The following MYLK variants were observed in gnomAD, a reference collection of about 807,000 sequenced individuals.
The protein encoded by MYLK is myosin light chain kinase, smooth muscle.
Under a neutral mutation model 203.4 loss-of-function variants are expected in MYLK, and 106 were observed. The ratio of observed to expected loss-of-function variants is 0.52; its 90% confidence interval spans 0.45 to 0.61. MYLK has a LOEUF of 0.61. Among genes scored for constraint, MYLK ranks in the 20% least tolerant of loss-of-function variants. The pLI, the probability that MYLK is intolerant of heterozygous loss-of-function variation, is 0.00. For synonymous variants in MYLK, 867 were observed against 959.5 expected, an observed-to-expected ratio of 0.90 and a Z score of 1.78; for missense variants, 2,072 against 2,442.3, an observed-to-expected ratio of 0.85 and a Z score of 3.20.
At chr3:123,667,486 C>T (rs531050900) in intron 20 of MYLK, among the ~76,000 whole-genome samples, 1 of 152,140 alleles carries the variant, frequency 6.6e-6, no homozygotes, top group East Asian at 1.9e-4. Context: ...CACCTGTAAT[C>T]CCAGCTACCC....
rs115100979 is a variant in MYLK at position 123,662,387 on chromosome 3, T to G, written c.3985+1718A>C. 5.1e-3 allele frequency among the ~76,000 whole-genome samples: 774 copies of G among 151,108 alleles called. 10 individuals are homozygous for G. Among genetic ancestry groups the G allele is most frequent in the African/African-American group, 0.017 (698 of 41,156 alleles). On this transcript the variant is annotated intron_variant, in intron 23 of 33. Coordinates refer to ENST00000360304, the MANE Select transcript of MYLK (RefSeq NM_053025.4). ...CTAGTCCTAAGGTGATGATACGAGA[T>G]GAAGATAGGGGAGAAAAACTGCTTG...
At chr3:123,869,924 T>C (rs899566402) in intron 2 of MYLK, among the ~76,000 whole-genome samples, 2 of 141,746 alleles carry the variant, frequency 1.4e-5, no homozygotes, top group Non-Finnish European at 3.1e-5. Flanking sequence ...CGATGAAATC[T>C]ACCTGTGCAA....
intron 4 of MYLK, 76 bp downstream of exon 4, chr3:123,793,601 A>C: frequency 1.3e-6 from 2 of 1,552,828 alleles, no homozygotes; most frequent in Non-Finnish European, 8.8e-7. Flanking sequence ...CAGCCGGCCC[A>C]GGAAAAGGCT....
intron 3 of MYLK, among the ~76,000 whole-genome samples, chr3:123,816,134 A>G (rs1467404412): frequency 6.6e-6 from 1 of 152,266 alleles, no homozygotes; most frequent in Non-Finnish European, 1.5e-5. Context: ...TGGTGGGAGC[A>G]CTGGTGTGCA....
At chr3:123,877,478 T>C (rs757500176) in intron 1 of MYLK, among the ~76,000 whole-genome samples, 5 of 152,182 alleles carry the variant, frequency 3.3e-5, no homozygotes, top group Non-Finnish European at 7.4e-5. Flanking sequence ...ACCAAGTGTT[T>C]CTCTGCCTGG....
chr3:123,712,866 G>A (rs934814152), intron 13 of MYLK, among the ~76,000 whole-genome samples: 3 of 152,196 alleles, frequency 2.0e-5, no homozygotes, highest in Non-Finnish European at 2.9e-5. Context: ...ACATTTGTAC[G>A]AGCCTAGCAT....
Position 123,613,311 on chromosome 3 carries a change from G to C in MYLK, c.*794C>G, listed in dbSNP as rs968134440. On this transcript the variant is annotated 3_prime_UTR_variant, in exon 34 of 34. Transcript: ENST00000360304. ...TATAACAGCACAAATAAGAATCCTG[G>C]TTTACAAAGGAAACCACATTAGCAA... is the stretch of plus-strand genomic sequence containing the variant. 1.3e-5 allele frequency: 2 copies of C among 150,446 alleles called. No homozygotes were observed. Among genetic ancestry groups the C allele is most frequent in the African/African-American group, 4.9e-5 (2 of 41,140 alleles). The allele number at this position is 150,446 out of a possible 1,614,324, so 9.3% of individuals were successfully genotyped here.
chr3:123,739,980 C>A lies in MYLK; in HGVS notation c.395G>T (p.Gly132Val). 6.2e-7 allele frequency: 1 copy of A among 1,613,978 alleles called. No homozygotes were observed. Among genetic ancestry groups the A allele is most frequent in the Admixed American group, 1.7e-5 (1 of 60,032 alleles). ...TVEGSFAKQL[G>V]QPVVSKTLGD... ...TAAGGTTTTGGAAACAACAGGCTGACCAAGCTGCTTCGCAAAACTTCCTGC... is the reference window on the plus strand; with the variant it reads ...TAAGGTTTTGGAAACAACAGGCTGAACAAGCTGCTTCGCAAAACTTCCTGC... The change falls in exon 6 of 34, where the codon GGT (glycine) becomes GTT (valine). Residue 132 changes from glycine (G) to valine (V), a missense_variant. Gly to Val is a moderately radical substitution (Grantham distance 109). This residue lies in a region of MYLK where 683 missense variants were observed against 643.8 expected (regional missense o/e 1.06). Transcript: ENST00000360304.
chr3:123,752,378 G>C lies in MYLK; in HGVS notation c.326C>G (p.Thr109Ser). The stretch of plus-strand genomic sequence containing the variant: ...CACCTGGCGAGCACCACTGCCATTG[G>C]TGGCTTCACAGGTATACTTTCCCCT... ...EDRGKYTCEA[T>S]NGSGARQVTV... Residue 109 changes from threonine to serine, a missense_variant, in exon 5 of 34, where the codon ACC (threonine) becomes AGC (serine). Transcript: ENST00000360304. The C allele has an allele frequency of 6.2e-7, 1 of 1,614,152 alleles. No homozygotes were observed. Among genetic ancestry groups the C allele is most frequent in the Non-Finnish European group, 8.5e-7 (1 of 1,180,018 alleles).
At chr3:123,785,397 G>A (rs1371937763) in intron 4 of MYLK, among the ~76,000 whole-genome samples, 1 of 152,154 alleles carries the variant, frequency 6.6e-6, no homozygotes, top group Non-Finnish European at 1.5e-5. Context: ...TGAGTACTTT[G>A]GAAACTCTGT....
At chr3:123,630,227 T>C (rs2058354316) in intron 29 of MYLK, among the ~76,000 whole-genome samples, 1 of 152,226 alleles carries the variant, frequency 6.6e-6, no homozygotes, top group African/African-American at 2.4e-5. Flanking sequence ...TGAGGTGCCA[T>C]GGCAGAGGAC....
At chr3:123,643,582 T>C (rs2058908853) in intron 27 of MYLK, among the ~76,000 whole-genome samples, 1 of 152,228 alleles carries the variant, frequency 6.6e-6, no homozygotes, top group Admixed American at 6.5e-5. Flanking sequence ...TTCAAAATAC[T>C]TAATGCTATG....
At chr3:123,627,584 A>G (rs982175748) in intron 30 of MYLK, among the ~76,000 whole-genome samples, 1 of 152,244 alleles carries the variant, frequency 6.6e-6, no homozygotes, top group African/African-American at 2.4e-5. Context: ...CAGGACTAGG[A>G]AAGCCTAAAG....
intron 29 of MYLK, among the ~76,000 whole-genome samples, chr3:123,631,445 A>G (rs2058420929): frequency 6.6e-6 from 1 of 151,672 alleles, no homozygotes. Context: ...CCTGCCATCA[A>G]CCTGTCAAGT....
rs1432482959 is a variant in MYLK at position 123,657,160 on chromosome 3, C to T, written c.4254G>A (p.Glu1418=). The T allele has an allele frequency of 1.2e-6, 2 of 1,614,218 alleles. No homozygotes were observed. The highest frequency in any genetic ancestry group is 4.5e-5 in the East Asian group (2 of 44,892). ...TCTCTCCTACCGTTGTGAGTTCAGACTCCTGGCTTGGCTCACTGGTTCCAT... is the reference window on the plus strand; with the variant it reads ...TCTCTCCTACCGTTGTGAGTTCAGATTCCTGGCTTGGCTCACTGGTTCCAT... The part of the protein sequence containing the change: ...NVYGTSEPSQ[E]SELTTVGEKP... Residue 1418 remains glutamate, a synonymous_variant, in exon 24 of 34, where the codon GAG becomes GAA. Coordinates refer to ENST00000360304, the MANE Select transcript of MYLK (RefSeq NM_053025.4).
At position 123,612,050 on chromosome 3, in the gene MYLK, T is replaced by TAA. The variant is rs552687227; in HGVS notation, c.*2053_*2054dup. The stretch of plus-strand genomic sequence containing the variant: ...CCGGGGGTTGGGGACACCTGCTCTA[T>TAA]AAGATATCCTTCTAGAATGATTGAT... On this transcript the variant is annotated 3_prime_UTR_variant, in exon 34 of 34. Coordinates refer to ENST00000360304, the MANE Select transcript of MYLK (RefSeq NM_053025.4). The TAA allele has an allele frequency of 7.9e-5, 12 of 152,492 alleles. No individual in the cohort carries two copies. In the East Asian group the frequency reaches 2.3e-3, roughly 29 times the overall value. The allele number at this position is 152,492 out of a possible 1,614,324, so 9.4% of individuals were successfully genotyped here.
At chr3:123,841,934 T>G (rs1477782305) in intron 2 of MYLK, among the ~76,000 whole-genome samples, 1 of 152,196 alleles carries the variant, frequency 6.6e-6, no homozygotes, top group Non-Finnish European at 1.5e-5. Context: ...TCTTCTGGTA[T>G]ACTGTTGTGG....
chr3:123,634,118 T>G (rs2058547114), intron 29 of MYLK, among the ~76,000 whole-genome samples: 2 of 152,178 alleles, frequency 1.3e-5, no homozygotes, highest in Admixed American at 6.5e-5. Flanking sequence ...CATCTGATAC[T>G]CTGGTGGGAG....
chr3:123,683,314 C>G (rs1201930693), intron 19 of MYLK, among the ~76,000 whole-genome samples: 1 of 152,016 alleles, frequency 6.6e-6, no homozygotes, highest in Non-Finnish European at 1.5e-5. Flanking sequence ...GGGGGACTTT[C>G]CAGCAGAGGC....
Sources: gnomAD v4.1 joint callset for allele counts (sites outside exome capture counted in the v4.1 genomes callset) on GRCh38, gnomAD v4.1.1 for gene constraint, gnomAD v4.1.1 regional missense constraint, MANE v1.5 for transcripts, NCBI Gene and HGNC (gene_info 2026-07-23, HGNC 2026-07-21) for gene names.